The following PRDM5 variants were observed in gnomAD, a reference collection of about 807,000 sequenced individuals.
The protein encoded by PRDM5 is PR/SET domain 5, also known as PR domain zinc finger protein 5.
PRDM5 carries 56 observed loss-of-function variants against 81.2 expected under a neutral mutation model. That is an observed-to-expected ratio of 0.69 (90% confidence interval 0.56 to 0.86). PRDM5 has a LOEUF of 0.86. Among genes scored for constraint, PRDM5 ranks in the 40% least tolerant of loss-of-function variants. The pLI is 0.00. For synonymous variants in PRDM5, 267 were observed against 256.4 expected (o/e 1.04, Z -0.39); for missense variants, 697 against 770.1 (o/e 0.91, Z 1.12).
Position 120,811,419 on chromosome 4 carries a change from A to G in PRDM5, c.896T>C (p.Val299Ala). 1 of 1,602,376 alleles carries G rather than the reference A, an allele frequency of 6.2e-7. No individual in the cohort carries two copies. Residue 299 changes from valine to alanine, a missense_variant, in exon 8 of 16, where the codon GTG becomes GCG. Physicochemically the swap from Val to Ala is moderately conservative, Grantham distance 64. This residue lies in a region of PRDM5 where 577 missense variants were observed against 606.7 expected (regional missense o/e 0.95). Coordinates refer to ENST00000264808, the MANE Select transcript of PRDM5 (RefSeq NM_018699.4). The stretch of plus-strand genomic sequence containing the variant: ...TGCTGAAGAACACTTTTTATTGCAC[A>G]CTGAACATATAAGCTTTTTCTTAGG... ...GDPKKKLICS[V>A]CNKKCSSASS...
intron 2 of PRDM5, among the ~76,000 whole-genome samples, chr4:120,886,943 C>T (rs1561611643): frequency 6.8e-6 from 1 of 148,122 alleles, no homozygotes; most frequent in African/African-American, 2.5e-5. Context: ...TGACTCTTCT[C>T]TTTCTTTTTT....
intron 14 of PRDM5, among the ~76,000 whole-genome samples, chr4:120,752,849 T>TA (rs564719678): frequency 6.6e-6 from 1 of 152,204 alleles, no homozygotes; most frequent in Non-Finnish European, 1.5e-5. Context: ...ACTGAATTAA[T>TA]AAATGTGAAG....
At chr4:120,910,483 A>G (rs993489503) in intron 1 of PRDM5, among the ~76,000 whole-genome samples, 2 of 152,224 alleles carry the variant, frequency 1.3e-5, no homozygotes, top group African/African-American at 4.8e-5. Flanking sequence ...TCTATCATAC[A>G]AACAGTAGTT....
intron 3 of PRDM5, among the ~76,000 whole-genome samples, chr4:120,843,679 C>T (rs527470399): frequency 1.2e-4 from 18 of 145,960 alleles, no homozygotes; most frequent in South Asian, 4.3e-4. Flanking sequence ...GAATGAGATC[C>T]GGCCTTAAAA....
At chr4:120,722,511 C>T (rs1049905861) in intron 14 of PRDM5, among the ~76,000 whole-genome samples, 9 of 151,902 alleles carry the variant, frequency 5.9e-5, no homozygotes, top group African/African-American at 1.2e-4. Context: ...TCAGGCTAAG[C>T]CTTGGCTCCA....
At chr4:120,863,748 T>C (rs1045649978) in intron 2 of PRDM5, among the ~76,000 whole-genome samples, 7 of 152,206 alleles carry the variant, frequency 4.6e-5, no homozygotes, top group Admixed American at 2.0e-4. Flanking sequence ...ATTATTGCCT[T>C]ATAAATTGGC....
chr4:120,780,145 C>T (rs1748830091), intron 12 of PRDM5, among the ~76,000 whole-genome samples: 2 of 152,076 alleles, frequency 1.3e-5, no homozygotes, highest in African/African-American at 2.4e-5. Context: ...AACTACCATA[C>T]TTCATGGTTA....
chr4:120,732,821 C>A (rs571845063), intron 14 of PRDM5, among the ~76,000 whole-genome samples: 1 of 152,188 alleles, frequency 6.6e-6, no homozygotes, highest in South Asian at 2.1e-4. Flanking sequence ...CCAGTCTTTA[C>A]GATATTTTGA....
In PRDM5 at chr4:120,885,189, T is replaced by C. The variant is rs545335516; in HGVS notation, c.177+22285A>G. 5.6e-5 allele frequency among the ~76,000 whole-genome samples: 8 copies of C among 143,760 alleles called. No individual in the cohort carries two copies. In the South Asian group the frequency reaches 1.3e-3, roughly 23 times the overall value. 94.3% of individuals were successfully genotyped at this position (143,760 alleles called of 152,430 possible). On this transcript the variant is annotated intron_variant, in intron 2 of 15. Transcript: ENST00000264808. ...AGAAAAGAAAAGACATACGACACAT[T>C]ACCCACCTCTGGCATATTAGAGGAG...
At chr4:120,792,208 T>G (rs1750677851) in intron 10 of PRDM5, among the ~76,000 whole-genome samples, 1 of 152,216 alleles carries the variant, frequency 6.6e-6, no homozygotes, top group South Asian at 2.1e-4. Context: ...TCATTGGCCT[T>G]CATATATATT....
chr4:120,874,672 G>T (rs1762168048), intron 2 of PRDM5, among the ~76,000 whole-genome samples: 1 of 152,178 alleles, frequency 6.6e-6, no homozygotes, highest in South Asian at 2.1e-4. Context: ...GGACAAGATT[G>T]ATTACTATTA....
At chr4:120,808,366 T>A (rs1380369387) in intron 8 of PRDM5, among the ~76,000 whole-genome samples, 2 of 152,108 alleles carry the variant, frequency 1.3e-5, no homozygotes, top group Non-Finnish European at 1.5e-5. Context: ...CACGTCCCCA[T>A]TAGCTAGATA....
At chr4:120,920,513 G>T (rs1724771182) in intron 1 of PRDM5, among the ~76,000 whole-genome samples, 1 of 152,194 alleles carries the variant, frequency 6.6e-6, no homozygotes, top group Non-Finnish European at 1.5e-5. Context: ...CCATAAGCAG[G>T]TAAGGGATGC....
In PRDM5 at chr4:120,843,441, GC is replaced by G. The variant is rs200381376; in HGVS notation, c.300+9976del. On this transcript the variant is annotated intron_variant, in intron 3 of 15. Transcript: ENST00000264808. ...CTATAGGCCAGGCATGGTGGCTAAT[GC>G]CTGTAATCCCAGCACTTTGTGAGGC... is the stretch of plus-strand genomic sequence containing the variant. Among the ~76,000 whole-genome samples the G allele has an allele frequency of 7.7e-3, 1,166 of 151,960 alleles. 13 individuals are homozygous for G. The highest frequency in any genetic ancestry group is 0.044 in the Middle Eastern group (13 of 294).
At chr4:120,864,046 CT>C (rs1760935214) in intron 2 of PRDM5, among the ~76,000 whole-genome samples, 1 of 152,194 alleles carries the variant, frequency 6.6e-6, no homozygotes, top group South Asian at 2.1e-4. Context: ...GGGGCCACCC[CT>C]GTAAGGCGTT....
At chr4:120,842,087 T>G (rs1021590409) in intron 3 of PRDM5, among the ~76,000 whole-genome samples, 1 of 152,252 alleles carries the variant, frequency 6.6e-6, no homozygotes, top group Non-Finnish European at 1.5e-5. Context: ...CTGAACTCTC[T>G]GGTTGTTAAT....
intron 9 of PRDM5, 92 bp downstream of exon 9, chr4:120,799,569 G>C: frequency 6.6e-7 from 1 of 1,526,236 alleles, no homozygotes. Context: ...CATAGCTAAG[G>C]CCCCTGATTA....
chr4:120,710,575 G>T (rs541888192), intron 14 of PRDM5, among the ~76,000 whole-genome samples, 162 bp from the exon 15 acceptor site: 4 of 152,264 alleles, frequency 2.6e-5, no homozygotes, highest in African/African-American at 7.2e-5. Context: ...ATCTTGAATT[G>T]TAGTTCCCAT....
At chr4:120,812,064 CT>C (rs1292322684) in intron 7 of PRDM5, among the ~76,000 whole-genome samples, 1 of 152,070 alleles carries the variant, frequency 6.6e-6, no homozygotes, top group East Asian at 1.9e-4. Context: ...TCATTCTATT[CT>C]CTATCTTCAT....
Sources: gnomAD v4.1 joint callset for allele counts (sites outside exome capture counted in the v4.1 genomes callset) on GRCh38, gnomAD v4.1.1 for gene constraint, gnomAD v4.1.1 regional missense constraint, MANE v1.5 for transcripts, NCBI Gene and HGNC (gene_info 2026-07-23, HGNC 2026-07-21) for gene names.